The following IPO11 variants were observed in gnomAD, a reference collection of about 807,000 sequenced individuals.
IPO11 encodes importin-11.
A neutral mutation model predicts 143.2 loss-of-function variants in IPO11; 66 were observed. The ratio of observed to expected loss-of-function variants is 0.46; its 90% CI spans 0.38 to 0.57. The LOEUF is 0.57. Ranked by LOEUF, IPO11 falls within the 20% of genes least tolerant of loss-of-function variation. The pLI is 0.00. For missense variants in IPO11, 1,026 were observed against 1,141.0 expected (o/e 0.90, Z 1.45); for synonymous variants, 385 against 377.8 (o/e 1.02, Z -0.22).
intron 19 of IPO11, among the ~76,000 whole-genome samples, chr5:62,513,718 G>A (rs1174096514): frequency 5.3e-5 from 8 of 149,668 alleles, no homozygotes; most frequent in African/African-American, 1.7e-4. Context: ...CGGGGCGGCT[G>A]GCCGGGTGGG....
chr5:62,479,573 A>G (rs1020944249), intron 9 of IPO11, among the ~76,000 whole-genome samples: 5 of 152,078 alleles, frequency 3.3e-5, no homozygotes, highest in African/African-American at 7.2e-5. Context: ...AAGCATTCCT[A>G]TTTCTCCACA....
At position 62,607,559 on chromosome 5, in the gene IPO11, TAC is replaced by T. The variant is rs200482811; in HGVS notation, c.2763+5713_2763+5714del. On this transcript the variant is annotated intron_variant, in intron 29 of 29. Coordinates refer to ENST00000325324, the MANE Select transcript of IPO11 (RefSeq NM_016338.5). ...AGTAATTTTTAATGTATGCATAAAA[TAC>T]ATTTTCCTTTTGCAAATAATATGAG... 7.1e-3 allele frequency among the ~76,000 whole-genome samples: 1,080 copies of T among 152,348 alleles called. 13 individuals are homozygous for T. Among genetic ancestry groups the T allele is most frequent in the African/African-American group, 0.024 (1,015 of 41,574 alleles).
At chr5:62,418,886 A>G in intron 1 of IPO11, 1 of 1,098,142 alleles carries the variant, frequency 9.1e-7, no homozygotes. Flanking sequence ...CTGTGATTAT[A>G]GCACCAGGTG....
intron 29 of IPO11, among the ~76,000 whole-genome samples, chr5:62,613,594 C>T (rs527695935): frequency 6.6e-4 from 101 of 152,194 alleles, no homozygotes; most frequent in Non-Finnish European, 1.1e-3. Flanking sequence ...TGAGCCACCA[C>T]GCCTGGCACA....
chr5:62,468,589 T>G (rs1044186666), intron 6 of IPO11, among the ~76,000 whole-genome samples: 10 of 152,230 alleles, frequency 6.6e-5, no homozygotes, highest in African/African-American at 2.4e-4. Context: ...GAAACTGATA[T>G]AAGGCTGTGT....
intron 1 of IPO11, among the ~76,000 whole-genome samples, chr5:62,426,931 GTTTTTTT>G (rs763031944): frequency 9.5e-4 from 86 of 90,252 alleles, no homozygotes; most frequent in African/African-American, 2.3e-3. Flanking sequence ...TTTTCTTTCT[GTTTTTTT>G]TTTTTTTTTT....
chr5:62,486,868 G>C (rs939952816), intron 12 of IPO11, among the ~76,000 whole-genome samples: 1 of 152,072 alleles, frequency 6.6e-6, no homozygotes, highest in African/African-American at 2.4e-5. Context: ...ACATCTCCCA[G>C]TGTTGATGGT....
Position 62,561,125 on chromosome 5 carries a change from T to A in IPO11, c.2461-11T>A, listed in dbSNP as rs534899503. ...TTAGGTATTTTGAGATGCCTCCTCCTCTTGTTTCAGATGGACCAGCTTTTG... is the reference window on the plus strand; with the variant it reads ...TTAGGTATTTTGAGATGCCTCCTCCACTTGTTTCAGATGGACCAGCTTTTG... On this transcript the variant is annotated splice_polypyrimidine_tract_variant and intron_variant, in intron 26 of 29. Coordinates refer to ENST00000325324, the MANE Select transcript of IPO11 (RefSeq NM_016338.5). The A allele has an allele frequency of 1.9e-6, 3 of 1,599,396 alleles. No individual in the cohort carries two copies. In the African/African-American group the frequency reaches 4.0e-5, roughly 22 times the overall value.
intron 29 of IPO11, among the ~76,000 whole-genome samples, chr5:62,609,681 G>T (rs1009934012): frequency 6.6e-5 from 10 of 152,238 alleles, no homozygotes; most frequent in African/African-American, 2.2e-4. Flanking sequence ...GAAGAGCTGG[G>T]CCTGCCCCTA....
intron 27 of IPO11, among the ~76,000 whole-genome samples, chr5:62,587,256 A>G (rs1217116509): frequency 1.3e-5 from 2 of 152,176 alleles, no homozygotes; most frequent in East Asian, 3.9e-4. Flanking sequence ...AAGCCTTTGT[A>G]AGGATCATTA....
intron 16 of IPO11, among the ~76,000 whole-genome samples, chr5:62,497,853 T>C (rs1428827503): frequency 1.3e-5 from 2 of 152,228 alleles, no homozygotes; most frequent in Non-Finnish European, 2.9e-5. Context: ...TATCTTTCTT[T>C]TTTAAAAAAT....
intron 27 of IPO11, among the ~76,000 whole-genome samples, chr5:62,564,964 T>C (rs1274628489): frequency 1.3e-5 from 2 of 152,198 alleles, no homozygotes; most frequent in East Asian, 3.9e-4. Flanking sequence ...ATGGAGTTAC[T>C]AATAGTATCT....
chr5:62,624,748 G>T (rs1354467991), intron 29 of IPO11, among the ~76,000 whole-genome samples: 1 of 152,086 alleles, frequency 6.6e-6, no homozygotes, highest in African/African-American at 2.4e-5. Context: ...ACTTTGGGAG[G>T]CTGAGGTGGG....
rs1173644642 is a variant in IPO11, at chr5:62,579,607, A to C, written c.2583-11970A>C. Reference sequence around the variant, plus strand: ...CTTAGGCCTTTCGAGTATTCCTAAGAATTTTCCTGAAAGTACAGTTTTTCT... The same window carrying C: ...CTTAGGCCTTTCGAGTATTCCTAAGCATTTTCCTGAAAGTACAGTTTTTCT... On this transcript the variant is annotated intron_variant, in intron 27 of 29. Transcript: ENST00000325324. 7 of 1,551,056 alleles carry C rather than the reference A, an allele frequency of 4.5e-6. No homozygotes were observed. In the Admixed American group the frequency reaches 5.9e-5, roughly 13 times the overall value.
In IPO11 at chr5:62,598,379, G is replaced by GCTTT. The variant is rs1561380281; in HGVS notation, c.2679-3382_2679-3381insTCTT. Reference sequence around the variant, plus strand: ...ATGTGAAACGACCCATAAATTGTTTGCTTGCTTGCTTGCTTTCTTTCTTTC... The same window carrying GCTTT: ...ATGTGAAACGACCCATAAATTGTTTGCTTTCTTGCTTGCTTGCTTTCTTTCTTTC... On this transcript the variant is annotated intron_variant, in intron 28 of 29. Transcript: ENST00000325324. 1.3e-3 allele frequency among the ~76,000 whole-genome samples: 61 copies of GCTTT among 48,574 alleles called. 14 individuals carry two copies. Among genetic ancestry groups the GCTTT allele is most frequent in the Admixed American group, 3.9e-3 (18 of 4,598 alleles). 31.9% of individuals were successfully genotyped at this position (48,574 alleles called of 152,430 possible).
intron 16 of IPO11, among the ~76,000 whole-genome samples, chr5:62,498,440 C>G (rs1741231963): frequency 6.6e-6 from 1 of 152,146 alleles, no homozygotes; most frequent in Admixed American, 6.5e-5. Context: ...ACACTGTAAA[C>G]TAGAATTGCT....
intron 27 of IPO11, among the ~76,000 whole-genome samples, chr5:62,586,863 G>A (rs900243761): frequency 1.4e-5 from 2 of 141,456 alleles, no homozygotes; most frequent in African/African-American, 5.3e-5. Context: ...ATCTACAATG[G>A]TGCTAGCTCC....
At chr5:62,608,559 C>G (rs1208646119) in intron 29 of IPO11, among the ~76,000 whole-genome samples, 1 of 152,216 alleles carries the variant, frequency 6.6e-6, no homozygotes, top group African/African-American at 2.4e-5. Flanking sequence ...CTTGTCTCCA[C>G]ACGTTATATG....
chr5:62,581,104 C>A (rs1281926527), intron 27 of IPO11: 3 of 1,549,210 alleles, frequency 1.9e-6, no homozygotes, highest in Admixed American at 4.0e-5. Flanking sequence ...TAAACAAAAA[C>A]TAAAGGCATC....
Sources: allele counts gnomAD v4.1 joint callset (sites outside exome capture counted in the v4.1 genomes callset), GRCh38; gene constraint gnomAD v4.1.1; transcripts MANE v1.5; gene names NCBI Gene and HGNC (gene_info 2026-07-23, HGNC 2026-07-21).